The following FNBP1L variants were observed in gnomAD, a reference collection of about 807,000 sequenced individuals.
FNBP1L encodes the protein formin-binding protein 1-like.
In FNBP1L, 36 loss-of-function variants were observed where a neutral mutation model predicts 91.2. The ratio of observed to expected loss-of-function variants is 0.39; its 90% CI spans 0.30 to 0.52. FNBP1L has a LOEUF of 0.52. FNBP1L is among the 20% of genes least tolerant of loss of function. The probability of loss-of-function intolerance (pLI) is 0.66; values close to 1 mark genes in which losing one functional copy is unlikely to be tolerated. For synonymous variants in FNBP1L, 242 were observed against 237.0 expected (o/e 1.02, Z -0.19); for missense variants, 571 against 732.1 (o/e 0.78, Z 2.54).
At chr1:93,545,506 A>C (rs1009623207) in intron 12 of FNBP1L, among the ~76,000 whole-genome samples, 1 of 152,166 alleles carries the variant, frequency 6.6e-6, no homozygotes, top group African/African-American at 2.4e-5. Flanking sequence ...TGTGGAACAT[A>C]ATAATAGAAG....
chr1:93,468,876 G>A (rs975833717), intron 1 of FNBP1L, among the ~76,000 whole-genome samples: 3 of 152,182 alleles, frequency 2.0e-5, no homozygotes, highest in Admixed American at 1.3e-4. Context: ...CACCAGGAAT[G>A]TGTGAGAGTC....
In FNBP1L at chr1:93,530,901, A is replaced by G. The variant is rs1403579129; in HGVS notation, c.639+18A>G. On this transcript the variant is annotated intron_variant, in intron 7 of 16. Transcript: ENST00000271234. Reference sequence around the variant, plus strand: ...TTTACAAGGTAAATCTTAGATATGAAGTTAATCTAGTTTTAGATTAACTGG... The same window carrying G: ...TTTACAAGGTAAATCTTAGATATGAGGTTAATCTAGTTTTAGATTAACTGG... 6.6e-7 allele frequency: 1 copy of G among 1,508,542 alleles called. No homozygotes were observed. Among genetic ancestry groups the G allele is most frequent in the South Asian group, 1.3e-5 (1 of 79,332 alleles). The allele number at this position is 1,508,542 out of a possible 1,614,324, so 93.4% of individuals were successfully genotyped here.
chr1:93,511,774 G>A (rs1419111987), intron 2 of FNBP1L, among the ~76,000 whole-genome samples: 6 of 151,784 alleles, frequency 4.0e-5, no homozygotes, highest in Non-Finnish European at 7.4e-5. Context: ...AGACCATCCC[G>A]GCTAAAACGG....
intron 14 of FNBP1L, 77 bp downstream of exon 14, chr1:93,547,518 G>GT (rs1054303461): frequency 3.2e-6 from 4 of 1,236,882 alleles, no homozygotes; most frequent in South Asian, 3.2e-5. Context: ...TATACAATTC[G>GT]TTTTTTTCTT....
At chr1:93,536,595 G>A in intron 10 of FNBP1L, 105 bp downstream of exon 10, 1 of 1,012,192 alleles carries the variant, frequency 9.9e-7, no homozygotes, top group East Asian at 3.0e-5. Context: ...TAAATACACA[G>A]TTTAAAAACA....
chr1:93,527,716 T>C (rs1429100836), intron 5 of FNBP1L, among the ~76,000 whole-genome samples: 1 of 152,096 alleles, frequency 6.6e-6, no homozygotes, highest in Non-Finnish European at 1.5e-5. Context: ...TCAATGGCTT[T>C]TTAAATAAGA....
intron 1 of FNBP1L, among the ~76,000 whole-genome samples, chr1:93,465,560 T>A (rs1329623070): frequency 6.6e-6 from 1 of 152,198 alleles, no homozygotes; most frequent in Non-Finnish European, 1.5e-5. Context: ...TGCATAGTAT[T>A]CCATGGTATA....
intron 1 of FNBP1L, among the ~76,000 whole-genome samples, chr1:93,492,364 A>G (rs1670121429): frequency 6.6e-6 from 1 of 152,214 alleles, no homozygotes; most frequent in Admixed American, 6.5e-5. Flanking sequence ...GATAAAGGAT[A>G]ATGCATTATT....
At chr1:93,514,982 A>T (rs891947214) in intron 2 of FNBP1L, among the ~76,000 whole-genome samples, 1 of 152,198 alleles carries the variant, frequency 6.6e-6, no homozygotes, top group Admixed American at 6.5e-5. Context: ...TGAACAGGCA[A>T]CCTACAAAAT....
chr1:93,474,959 A>G (rs138832169), intron 1 of FNBP1L, among the ~76,000 whole-genome samples: 56 of 152,322 alleles, frequency 3.7e-4, no homozygotes, highest in African/African-American at 1.3e-3. Context: ...AATAAAAGTG[A>G]TAACAGTAGC....
intron 2 of FNBP1L, among the ~76,000 whole-genome samples, chr1:93,499,980 G>T (rs771910060): frequency 6.6e-6 from 1 of 152,284 alleles, no homozygotes. Flanking sequence ...TGGAAATAGA[G>T]TGTGTGCTGA....
In FNBP1L at chr1:93,519,226, C is replaced by T. The variant is rs182858297; in HGVS notation, c.141-2856C>T. Among the ~76,000 whole-genome samples, 71 of 152,286 alleles carry T rather than the reference C, an allele frequency of 4.7e-4. 1 individual carries two copies. The highest frequency in any genetic ancestry group is 4.2e-3 in the Admixed American group (64 of 15,288). ...TATGACTTTAGAAGGGTCTCTGCTTCGTTCCCCTCTTACTTTTCACGTTAC... is the reference window on the plus strand; with the variant it reads ...TATGACTTTAGAAGGGTCTCTGCTTTGTTCCCCTCTTACTTTTCACGTTAC... On this transcript the variant is annotated intron_variant, in intron 2 of 16. Coordinates refer to ENST00000271234, the MANE Select transcript of FNBP1L (RefSeq NM_001164473.3).
At chr1:93,504,462 T>A (rs1392505963) in intron 2 of FNBP1L, among the ~76,000 whole-genome samples, 1 of 152,178 alleles carries the variant, frequency 6.6e-6, no homozygotes, top group Non-Finnish European at 1.5e-5. Context: ...ATTAAACCTC[T>A]TTTTCCTCCC....
intron 10 of FNBP1L, among the ~76,000 whole-genome samples, chr1:93,539,746 G>C (rs1416693649): frequency 1.3e-5 from 2 of 151,750 alleles, no homozygotes; most frequent in Non-Finnish European, 2.9e-5. Flanking sequence ...TCCTTACCAG[G>C]AGTTTTTTAA....
chr1:93,461,802 A>G (rs559922763), intron 1 of FNBP1L, among the ~76,000 whole-genome samples: 2 of 152,338 alleles, frequency 1.3e-5, no homozygotes, highest in African/African-American at 4.8e-5. Context: ...AAATATGTGG[A>G]TATTTGAATT....
chr1:93,454,686 G>T (rs1184553402), intron 1 of FNBP1L, among the ~76,000 whole-genome samples: 1 of 151,770 alleles, frequency 6.6e-6, no homozygotes, highest in African/African-American at 2.4e-5. Context: ...CATATCATTT[G>T]ATTTCCACGT....
chr1:93,457,949 G>A (rs1570759609), intron 1 of FNBP1L, among the ~76,000 whole-genome samples: 1 of 151,742 alleles, frequency 6.6e-6, no homozygotes, highest in East Asian at 1.9e-4. Flanking sequence ...CCGCCACCAC[G>A]CCTGGCTAAT....
At chr1:93,514,902 GC>G (rs1671023615) in intron 2 of FNBP1L, among the ~76,000 whole-genome samples, 1 of 152,156 alleles carries the variant, frequency 6.6e-6, no homozygotes, top group Non-Finnish European at 1.5e-5. Flanking sequence ...GGCAACAAAA[GC>G]CAGAATTGAC....
chr1:93,482,722 T>C (rs1669752662), intron 1 of FNBP1L, among the ~76,000 whole-genome samples: 1 of 151,632 alleles, frequency 6.6e-6, no homozygotes, highest in African/African-American at 2.4e-5. Flanking sequence ...GTGAAACCCC[T>C]CTCTCTACAA....
Sources: allele counts gnomAD v4.1 joint callset (sites outside exome capture counted in the v4.1 genomes callset), GRCh38; gene constraint gnomAD v4.1.1; transcripts MANE v1.5; gene names NCBI Gene and HGNC (gene_info 2026-07-23, HGNC 2026-07-21).